Variants in DNAH8 observed in about 807,000 individuals in gnomAD.
DNAH8 encodes the protein axonemal beta dynein heavy chain 8.
Under a neutral mutation model 562.1 loss-of-function variants are expected in DNAH8, and 382 were observed. That is an observed-to-expected ratio of 0.68 (90% confidence interval 0.63 to 0.74). DNAH8 has a LOEUF of 0.74. Among genes scored for constraint, DNAH8 ranks in the 30% least tolerant of loss-of-function variants. The pLI, the probability that DNAH8 is intolerant of heterozygous loss-of-function variation, is 0.00. For synonymous variants in DNAH8, 1,881 were observed against 1,919.4 expected (o/e 0.98, Z 0.52); for missense variants, 5,203 against 5,620.4 (o/e 0.93, Z 2.37).
At chr6:38,768,564 C>T (rs1318999194) in intron 11 of DNAH8, among the ~76,000 whole-genome samples, 3 of 143,412 alleles carry the variant, frequency 2.1e-5, no homozygotes, top group African/African-American at 7.8e-5. Flanking sequence ...CACACCCGGC[C>T]TGTTTATTAA....
At chr6:38,897,132 T>C (rs546690874) in intron 60 of DNAH8, among the ~76,000 whole-genome samples, 2 of 152,324 alleles carry the variant, frequency 1.3e-5, no homozygotes, top group East Asian at 3.9e-4. Context: ...TCCCAAATTC[T>C]GGAGTGACAG....
Position 38,915,394 on chromosome 6 carries a change from T to C in DNAH8, c.10140+17T>C. ...GCCCTGAATGTGAGCAGTGCATTGT[T>C]ACCCCTTCCAACACAAGTCCTAGAA... On this transcript the variant is annotated intron_variant, in intron 68 of 92. Coordinates refer to ENST00000327475, the MANE Select transcript of DNAH8 (RefSeq NM_001206927.2). 6.5e-7 allele frequency: 1 copy of C among 1,531,478 alleles called. No homozygotes were observed. The highest frequency in any genetic ancestry group is 8.7e-7 in the Non-Finnish European group (1 of 1,146,624). The allele number at this position is 1,531,478 out of a possible 1,614,324, so 94.9% of individuals were successfully genotyped here. A position where few individuals can be genotyped will look rare whatever the true frequency, so the allele number is the denominator to read the frequency against.
intron 24 of DNAH8, among the ~76,000 whole-genome samples, chr6:38,809,708 A>G (rs981230273): frequency 2.6e-5 from 4 of 152,272 alleles, no homozygotes; most frequent in African/African-American, 9.6e-5. Context: ...TTCCTTGGCT[A>G]TTCATTGCTG....
At chr6:38,736,716 A>G (rs530727420) in intron 5 of DNAH8, among the ~76,000 whole-genome samples, 80 of 149,450 alleles carry the variant, frequency 5.4e-4, no homozygotes, top group African/African-American at 1.9e-3. Context: ...TTCACCAGAA[A>G]AAAAAAAAAT....
At chr6:38,963,156 TAAATA>T (rs1317487306) in intron 82 of DNAH8, among the ~76,000 whole-genome samples, 2 of 149,622 alleles carry the variant, frequency 1.3e-5, no homozygotes, top group South Asian at 2.1e-4. Context: ...AAAAGCACCA[TAAATA>T]AAATAAAAGC....
intron 3 of DNAH8, among the ~76,000 whole-genome samples, chr6:38,727,944 G>T (rs773761057): frequency 6.6e-6 from 1 of 152,082 alleles, no homozygotes; most frequent in African/African-American, 2.4e-5. Flanking sequence ...TGTGCTGTGC[G>T]TGTGTGTTTT....
rs113906496 is a variant in DNAH8, at chr6:38,791,041, C to G, written c.2782-514C>G. Reference sequence around the variant, plus strand: ...TTAATATTAATGTATTTAATATTAACTAGATGAGATGATCATCAAATTGAA... The same window carrying G: ...TTAATATTAATGTATTTAATATTAAGTAGATGAGATGATCATCAAATTGAA... On this transcript the variant is annotated intron_variant, in intron 20 of 92. Coordinates refer to ENST00000327475, the MANE Select transcript of DNAH8 (RefSeq NM_001206927.2). Among the ~76,000 whole-genome samples the G allele has an allele frequency of 8.7e-4, 132 of 152,156 alleles. 2 individuals carry two copies. Among genetic ancestry groups the G allele is most frequent in the African/African-American group, 3.0e-3 (126 of 41,496 alleles).
chr6:38,842,341 T>A, intron 33 of DNAH8, 27 bp from the exon 34 acceptor site: 2 of 1,572,372 alleles, frequency 1.3e-6, no homozygotes, highest in Non-Finnish European at 1.7e-6. Flanking sequence ...ATACATGATG[T>A]GATAACTTAG....
At chr6:39,009,779 T>C (rs1366915806) in intron 89 of DNAH8, among the ~76,000 whole-genome samples, 2 of 152,200 alleles carry the variant, frequency 1.3e-5, no homozygotes, top group Non-Finnish European at 2.9e-5. Context: ...TTATTGCCTC[T>C]TAAAATAATT....
In DNAH8 at chr6:38,778,911, A is replaced by G. The variant is rs528426811; in HGVS notation, c.2039+447A>G. ...AAGAAATTGTGTATACTTAAGGTGT[A>G]TAACATGATATTTTTAAATATGTAG... On this transcript the variant is annotated intron_variant, in intron 14 of 92. Transcript: ENST00000327475. Among the ~76,000 whole-genome samples the G allele has an allele frequency of 1.0e-3, 156 of 152,340 alleles. 2 individuals carry two copies. The highest frequency in any genetic ancestry group is 1.3e-3 in the East Asian group (7 of 5,192).
chr6:38,872,633 CAG>C lies in DNAH8; in HGVS notation c.7090_7091del (p.Glu2364MetfsTer6). On this transcript the variant is annotated frameshift_variant, in exon 50 of 93. Transcript: ENST00000327475. LOFTEE classifies it high-confidence loss of function. ...ATCACGATTCTAATGAAGGCGCAAA[CAG>C]AATGCGGAAGGCCTCATAGAGAAAT... 6.2e-7 allele frequency: 1 copy of C among 1,614,098 alleles called. No homozygotes were observed. Among genetic ancestry groups the C allele is most frequent in the East Asian group, 2.2e-5 (1 of 44,858 alleles).
chr6:38,935,336 T>C (rs1782863806), intron 76 of DNAH8, among the ~76,000 whole-genome samples: 1 of 152,174 alleles, frequency 6.6e-6, no homozygotes, highest in Admixed American at 6.5e-5. Flanking sequence ...TGGGCAAAAT[T>C]ATTTAGCAGA....
chr6:38,756,978 C>T (rs574111780), intron 10 of DNAH8, among the ~76,000 whole-genome samples: 1 of 152,222 alleles, frequency 6.6e-6, no homozygotes, highest in Admixed American at 6.5e-5. Context: ...CCGCAATAAA[C>T]ATACGTGTGC....
At chr6:38,834,263 T>G (rs952718834) in intron 31 of DNAH8, among the ~76,000 whole-genome samples, 7 of 152,226 alleles carry the variant, frequency 4.6e-5, no homozygotes, top group Non-Finnish European at 7.4e-5. Context: ...TTATTAGCTC[T>G]GTCAAGGTCC....
At chr6:38,862,891 C>T (rs1335512227) in intron 44 of DNAH8, among the ~76,000 whole-genome samples, 1 of 152,138 alleles carries the variant, frequency 6.6e-6, no homozygotes, top group East Asian at 1.9e-4. Context: ...AACATGTTTT[C>T]AGATGGACAG....
intron 68 of DNAH8, 44 bp downstream of exon 68, chr6:38,915,421 G>A: frequency 2.2e-6 from 3 of 1,393,446 alleles, no homozygotes; most frequent in African/African-American, 1.5e-5. Context: ...GTCCTAGAAG[G>A]CTTCATGTTT....
At chr6:38,784,018 T>G (rs902556552) in intron 17 of DNAH8, among the ~76,000 whole-genome samples, 5 of 152,192 alleles carry the variant, frequency 3.3e-5, no homozygotes, top group Non-Finnish European at 7.3e-5. Flanking sequence ...CTCATGTATT[T>G]TAGCTGTGTG....
In DNAH8 at chr6:38,737,263, A is replaced by G. The variant is rs990451785; in HGVS notation, c.952+7A>G. ...TATCTTTCATTTTTAGATGGTAAGTATAAAATTTAATGTTTAGCAAATTGC... is the reference window on the plus strand; with the variant it reads ...TATCTTTCATTTTTAGATGGTAAGTGTAAAATTTAATGTTTAGCAAATTGC... On this transcript the variant is annotated splice_region_variant and intron_variant, in intron 6 of 92. Coordinates refer to ENST00000327475, the MANE Select transcript of DNAH8 (RefSeq NM_001206927.2). 7.1e-7 allele frequency: 1 copy of G among 1,406,278 alleles called. No individual in the cohort carries two copies. Among genetic ancestry groups the G allele is most frequent in the Non-Finnish European group, 9.4e-7 (1 of 1,069,088 alleles). 87.1% of individuals were successfully genotyped at this position (1,406,278 alleles called of 1,614,324 possible). A position where few individuals can be genotyped will look rare whatever the true frequency, so the allele number is the denominator to read the frequency against.
intron 24 of DNAH8, among the ~76,000 whole-genome samples, chr6:38,810,294 A>C (rs1353121312): frequency 2.6e-5 from 4 of 152,164 alleles, no homozygotes; most frequent in Admixed American, 2.6e-4. Context: ...ATTTTGCTCC[A>C]ACTAAAAGAA....
Sources: allele counts gnomAD v4.1 joint callset (sites outside exome capture counted in the v4.1 genomes callset), GRCh38; gene constraint gnomAD v4.1.1; transcripts MANE v1.5; gene names NCBI Gene and HGNC (gene_info 2026-07-23, HGNC 2026-07-21).